TANC1: variants seen among roughly 807,000 people sequenced by gnomAD.
TANC1 encodes the protein tetratricopeptide repeat, ankyrin repeat and coiled-coil containing 1, also known as protein TANC1.
TANC1 carries 77 observed loss-of-function variants against 149.7 expected under a neutral mutation model. That is an observed-to-expected ratio of 0.51 (90% confidence interval 0.43 to 0.62). The LOEUF (loss-of-function observed/expected upper bound fraction) is 0.62, where lower values mean the gene tolerates loss of function less well. Ranked by LOEUF, TANC1 falls within the 20% of genes least tolerant of loss-of-function variation. The pLI is 0.00. For synonymous variants in TANC1, 854 were observed against 925.0 expected (o/e 0.92, Z 1.39); for missense variants, 1,985 against 2,321.8 (o/e 0.85, Z 2.98).
intron 5 of TANC1, chr2:159,147,970 T>A (rs2052331771): frequency 6.6e-6 from 1 of 152,238 alleles, no homozygotes; most frequent in Admixed American, 6.5e-5. Context: ...TGTGGTTCCT[T>A]ACAAAAGGCG....
chr2:159,002,626 G>C, intron 2 of TANC1, among the ~76,000 whole-genome samples: 1 of 152,242 alleles, frequency 6.6e-6, no homozygotes, highest in Middle Eastern at 3.4e-3. Flanking sequence ...TGCAGATGTG[G>C]GTTTGTCTCA....
chr2:159,153,017 C>T (rs530633269), intron 7 of TANC1, among the ~76,000 whole-genome samples: 1 of 152,288 alleles, frequency 6.6e-6, no homozygotes, highest in Admixed American at 6.5e-5. Flanking sequence ...CATAGTGTCT[C>T]AATATTCCCC....
intron 2 of TANC1, among the ~76,000 whole-genome samples, chr2:159,038,435 T>C (rs2149514109): frequency 6.6e-6 from 1 of 152,332 alleles, no homozygotes; most frequent in South Asian, 2.1e-4. Context: ...GTGGGAGTTT[T>C]CAAAGGGAAT....
chr2:159,060,218 C>A, intron 2 of TANC1: 1 of 232,208 alleles, frequency 4.3e-6, no homozygotes, highest in Non-Finnish European at 7.1e-6. Context: ...ATTAAGTGTA[C>A]CTTAGTTTAC....
chr2:159,225,571 G>C, intron 23 of TANC1, 117 bp from the exon 24 acceptor site: 1 of 759,560 alleles, frequency 1.3e-6, no homozygotes, highest in South Asian at 1.5e-5. Context: ...TCATCGTGCT[G>C]TGGTCCTTGC....
intron 22 of TANC1, among the ~76,000 whole-genome samples, chr2:159,221,489 T>C (rs1183691002): frequency 1.3e-5 from 2 of 152,208 alleles, no homozygotes; most frequent in African/African-American, 2.4e-5. Flanking sequence ...GACCGGTGCC[T>C]ACCCTTTCCG....
rs536087371 is a variant in TANC1 at position 159,210,876 on chromosome 2, A to ATTT, written c.3245-6610_3245-6608dup. ...ATGAGCCACCATGCCTGATCTTTTA[A>ATTT]TTTTTTTTTTTTTAAGATGGAGTCT... On this transcript the variant is annotated intron_variant, in intron 19 of 26. Transcript: ENST00000263635. 2.6e-5 allele frequency among the ~76,000 whole-genome samples: 3 copies of ATTT among 114,772 alleles called. No individual in the cohort carries two copies. The South Asian group carries it at 8.0e-4, about 31-fold the overall frequency. The allele number at this position is 114,772 out of a possible 152,430, so 75.3% of individuals were successfully genotyped here.
At chr2:159,177,969 A>C (rs2056058918) in intron 13 of TANC1, among the ~76,000 whole-genome samples, 1 of 152,270 alleles carries the variant, frequency 6.6e-6, no homozygotes, top group South Asian at 2.1e-4. Flanking sequence ...ACTTCAATTT[A>C]AAAGTTTACT....
chr2:159,050,334 A>G (rs1227147927), intron 2 of TANC1, among the ~76,000 whole-genome samples: 1 of 152,152 alleles, frequency 6.6e-6, no homozygotes, highest in Admixed American at 6.5e-5. Flanking sequence ...TGATTCTCCT[A>G]CCTTGGCCTC....
rs552060251 is a variant in TANC1, at chr2:159,095,139, G to A, written c.62-2498G>A. Reference sequence around the variant, plus strand: ...TTTTTTGTATTTTTAGTAGAGACAGGGTTTCACCGTGTTGGCCAGGCTGGT... The same window carrying A: ...TTTTTTGTATTTTTAGTAGAGACAGAGTTTCACCGTGTTGGCCAGGCTGGT... On this transcript the variant is annotated intron_variant, in intron 3 of 26. Coordinates refer to ENST00000263635, the MANE Select transcript of TANC1 (RefSeq NM_033394.3). Among the ~76,000 whole-genome samples, 7 of 151,894 alleles carry A rather than the reference G, an allele frequency of 4.6e-5. No individual in the cohort carries two copies. The South Asian group carries it at 1.5e-3, about 32-fold the overall frequency.
chr2:159,158,080 G>A (rs956979234), intron 7 of TANC1, among the ~76,000 whole-genome samples: 5 of 152,192 alleles, frequency 3.3e-5, no homozygotes, highest in Non-Finnish European at 5.9e-5. Flanking sequence ...GAGAGGCCGG[G>A]CATGGTGGGT....
At position 159,151,125 on chromosome 2, in the gene TANC1, T is replaced by TA. The variant is rs1222435030; in HGVS notation, c.682+570dup. ...AGACTTGGGTTCCAGTCCGGACTCT[T>TA]ACGCCGATTTGCCCGGTGACTTGAG... On this transcript the variant is annotated intron_variant, in intron 7 of 26. Coordinates refer to ENST00000263635, the MANE Select transcript of TANC1 (RefSeq NM_033394.3). Among the ~76,000 whole-genome samples the TA allele has an allele frequency of 3.9e-5, 6 of 152,350 alleles. No homozygotes were observed. In the East Asian group the frequency reaches 9.6e-4, roughly 24 times the overall value.
rs373472923 is a variant in TANC1 at position 159,124,231 on chromosome 2, G to C, written c.260-11963G>C. On this transcript the variant is annotated intron_variant, in intron 4 of 26. Transcript: ENST00000263635. Reference sequence around the variant, plus strand: ...AAATTAGCCGGGTGTGGTGGTGCCTGTCTGTAGGAGGCTGAGGCATAAGAA... The same window carrying C: ...AAATTAGCCGGGTGTGGTGGTGCCTCTCTGTAGGAGGCTGAGGCATAAGAA... Among the ~76,000 whole-genome samples, 209 of 152,250 alleles carry C rather than the reference G, an allele frequency of 1.4e-3. 1 individual carries two copies. Among genetic ancestry groups the C allele is most frequent in the African/African-American group, 4.7e-3 (197 of 41,558 alleles).
intron 5 of TANC1, among the ~76,000 whole-genome samples, chr2:159,136,847 A>G (rs2050814230): frequency 6.6e-6 from 1 of 150,696 alleles, no homozygotes; most frequent in South Asian, 2.1e-4. Flanking sequence ...TTTTATATGT[A>G]TATGTATTTT....
intron 14 of TANC1, among the ~76,000 whole-genome samples, chr2:159,183,110 C>T (rs2056654373): frequency 6.6e-6 from 1 of 152,072 alleles, no homozygotes; most frequent in African/African-American, 2.4e-5. Context: ...GGAGTGGGGA[C>T]TTGGGGGGAC....
intron 4 of TANC1, among the ~76,000 whole-genome samples, chr2:159,125,252 T>A (rs1465281179): frequency 6.6e-6 from 1 of 152,232 alleles, no homozygotes; most frequent in Non-Finnish European, 1.5e-5. Flanking sequence ...TTTGTCCTTT[T>A]CAGGAGTCTG....
At chr2:159,171,869 A>AG (rs1356834865) in intron 10 of TANC1, among the ~76,000 whole-genome samples, 6 of 99,552 alleles carry the variant, frequency 6.0e-5, no homozygotes, top group Admixed American at 2.2e-4. Context: ...AAAAAAAAAA[A>AG]AAAAAAGAAA....
intron 2 of TANC1, among the ~76,000 whole-genome samples, chr2:159,007,149 T>TG (rs2149356428): frequency 6.9e-6 from 1 of 145,562 alleles, no homozygotes; most frequent in South Asian, 2.3e-4. Context: ...TTTTTTTTTT[T>TG]TTTTTTTTTT....
intron 2 of TANC1, among the ~76,000 whole-genome samples, chr2:159,041,455 C>T (rs188150399): frequency 3.0e-4 from 45 of 152,312 alleles, no homozygotes; most frequent in South Asian, 1.2e-3. Flanking sequence ...TCGAGCTTCC[C>T]GGCTGCTTTG....
Sources: gnomAD v4.1 joint callset for allele counts (sites outside exome capture counted in the v4.1 genomes callset) on GRCh38, gnomAD v4.1.1 for gene constraint, MANE v1.5 for transcripts, NCBI Gene and HGNC (gene_info 2026-07-23, HGNC 2026-07-21) for gene names.